The following SYT9 variants were observed in gnomAD, a reference collection of about 807,000 sequenced individuals.
SYT9 encodes synaptotagmin-9.
SYT9 carries 22 observed loss-of-function variants against 48.4 expected under a neutral mutation model. That is an observed-to-expected ratio of 0.45 (90% confidence interval 0.32 to 0.65). The LOEUF (loss-of-function observed/expected upper bound fraction) is 0.65, where lower values mean the gene tolerates loss of function less well. Ranked by LOEUF, SYT9 falls within the 30% of genes least tolerant of loss-of-function variation. The pLI is 0.03. For synonymous variants in SYT9, 265 were observed against 245.0 expected (o/e 1.08, Z -0.76); for missense variants, 577 against 622.0 (o/e 0.93, Z 0.77).
intron 3 of SYT9, among the ~76,000 whole-genome samples, chr11:7,336,702 A>C (rs548359920): frequency 6.6e-6 from 1 of 152,128 alleles, no homozygotes; most frequent in East Asian, 1.9e-4. Context: ...AGGTCTATGC[A>C]TCTGTTTTTG....
intron 3 of SYT9, among the ~76,000 whole-genome samples, chr11:7,342,052 C>T (rs552124252): frequency 3.6e-4 from 54 of 152,096 alleles, no homozygotes; most frequent in Non-Finnish European, 5.1e-4. Context: ...AAAACTGCCC[C>T]CATGATTCAA....
intron 3 of SYT9, among the ~76,000 whole-genome samples, chr11:7,316,484 A>G (rs1312984478): frequency 6.6e-6 from 1 of 152,146 alleles, no homozygotes; most frequent in Non-Finnish European, 1.5e-5. Context: ...TGGCTTATGT[A>G]TCTTCATTGC....
chr11:7,300,892 TG>T (rs1210436384), intron 1 of SYT9, among the ~76,000 whole-genome samples: 1 of 152,160 alleles, frequency 6.6e-6, no homozygotes, highest in Non-Finnish European at 1.5e-5. Flanking sequence ...CACCTCATGT[TG>T]GGCTCTTTGA....
Position 7,412,042 on chromosome 11 carries a change from T to C in SYT9, c.1045-4000T>C, listed in dbSNP as rs548492725. ...TTCAATGAATTCTTCAGTTCCGGAATTTATGTTTGGTTCTTTTAAAAAAAA... is the reference window on the plus strand; with the variant it reads ...TTCAATGAATTCTTCAGTTCCGGAACTTATGTTTGGTTCTTTTAAAAAAAA... On this transcript the variant is annotated intron_variant, in intron 3 of 6. Transcript: ENST00000318881. Among the ~76,000 whole-genome samples the C allele has an allele frequency of 5.3e-5, 8 of 152,320 alleles. No individual in the cohort carries two copies. The East Asian group carries it at 1.3e-3, about 26-fold the overall frequency.
chr11:7,361,493 A>G (rs1850136091), intron 3 of SYT9, among the ~76,000 whole-genome samples: 1 of 152,128 alleles, frequency 6.6e-6, no homozygotes, highest in African/African-American at 2.4e-5. Flanking sequence ...TAAAAAAATT[A>G]TTCTCTCCTG....
chr11:7,412,055 C>G (rs985974199), intron 3 of SYT9, among the ~76,000 whole-genome samples: 7 of 151,784 alleles, frequency 4.6e-5, no homozygotes, highest in Admixed American at 3.3e-4. Flanking sequence ...ATGTTTGGTT[C>G]TTTTAAAAAA....
chr11:7,464,122 A>C (rs1269859209), intron 6 of SYT9, among the ~76,000 whole-genome samples: 1 of 152,166 alleles, frequency 6.6e-6, no homozygotes, highest in Non-Finnish European at 1.5e-5. Flanking sequence ...TTAAATGAAG[A>C]GGTAAAATTA....
Position 7,450,941 on chromosome 11 carries a change from G to T in SYT9, c.1468-15851G>T, listed in dbSNP as rs755361314. On this transcript the variant is annotated intron_variant, in intron 6 of 6. Transcript: ENST00000318881. ...TCACACAGTAATGCTGGTTTTAAAA[G>T]ACTTTTCTTTCTCAGCTGTTATTAT... is the stretch of plus-strand genomic sequence containing the variant. Among the ~76,000 whole-genome samples, 24 of 152,322 alleles carry T rather than the reference G, an allele frequency of 1.6e-4. 1 individual carries two copies. The highest frequency in any genetic ancestry group is 2.6e-4 in the Non-Finnish European group (18 of 68,024).
chr11:7,242,250 A>G (rs2119717510), intron 1 of SYT9, among the ~76,000 whole-genome samples: 1 of 152,352 alleles, frequency 6.6e-6, no homozygotes, highest in African/African-American at 2.4e-5. Flanking sequence ...TGGTGAAGGC[A>G]TAAGGCCAGT....
chr11:7,278,139 C>G (rs1848431437), intron 1 of SYT9, among the ~76,000 whole-genome samples: 1 of 152,128 alleles, frequency 6.6e-6, no homozygotes, highest in South Asian at 2.1e-4. Context: ...TCTAATTGCC[C>G]TGGGTCGAGG....
At chr11:7,404,083 C>T (rs1303904417) in intron 3 of SYT9, among the ~76,000 whole-genome samples, 2 of 152,040 alleles carry the variant, frequency 1.3e-5, no homozygotes, top group Non-Finnish European at 2.9e-5. Context: ...ATTAATTTAG[C>T]CACTCCAGAT....
chr11:7,276,518 G>T (rs1848396508), intron 1 of SYT9, among the ~76,000 whole-genome samples: 2 of 152,174 alleles, frequency 1.3e-5, no homozygotes, highest in South Asian at 4.1e-4. Context: ...GAATAAGGTG[G>T]AATGAATCTG....
chr11:7,361,822 T>G (rs189375897), intron 3 of SYT9, among the ~76,000 whole-genome samples: 2 of 152,298 alleles, frequency 1.3e-5, no homozygotes, highest in East Asian at 3.9e-4. Context: ...AAATAAGAAA[T>G]TTAGTAGTAG....
chr11:7,398,332 A>AGTTTTT, intron 3 of SYT9, among the ~76,000 whole-genome samples: 1 of 152,048 alleles, frequency 6.6e-6, no homozygotes, highest in Middle Eastern at 3.4e-3. Context: ...TTTAACATTT[A>AGTTTTT]TATGAGTTTA....
At chr11:7,274,697 G>A (rs187298241) in intron 1 of SYT9, among the ~76,000 whole-genome samples, 1 of 152,210 alleles carries the variant, frequency 6.6e-6, no homozygotes, top group Admixed American at 6.5e-5. Flanking sequence ...TCACTATGCA[G>A]GTCTTCCTTT....
At chr11:7,435,122 A>G (rs975579858) in intron 6 of SYT9, 2 of 152,300 alleles carry the variant, frequency 1.3e-5, no homozygotes, top group Non-Finnish European at 2.9e-5. Context: ...GTTTGAGTCC[A>G]GGCAGAATCT....
intron 1 of SYT9, among the ~76,000 whole-genome samples, chr11:7,262,131 C>T (rs1848091270): frequency 1.3e-5 from 2 of 152,024 alleles, no homozygotes; most frequent in Admixed American, 6.6e-5. Flanking sequence ...TGGTCAGATT[C>T]TGGGTAGCTG....
intron 1 of SYT9, among the ~76,000 whole-genome samples, chr11:7,243,230 C>G (rs1203496862): frequency 6.6e-6 from 1 of 152,062 alleles, no homozygotes; most frequent in Non-Finnish European, 1.5e-5. Flanking sequence ...AGAAGGAAAG[C>G]TTAAATATGG....
chr11:7,365,315 C>T lies in SYT9; in HGVS notation c.1045-50727C>T, dbSNP rs140727821. Among the ~76,000 whole-genome samples the T allele has an allele frequency of 1.9e-3, 288 of 152,254 alleles. 2 individuals carry two copies. Among genetic ancestry groups the T allele is most frequent in the African/African-American group, 6.6e-3 (273 of 41,530 alleles). ...TGGAATAAAAGATGTATTCCCCTCC[C>T]AATTTATAGAGGAGAGCAATTTTTT... On this transcript the variant is annotated intron_variant, in intron 3 of 6. Transcript: ENST00000318881.
Sources: allele counts gnomAD v4.1 joint callset (sites outside exome capture counted in the v4.1 genomes callset), GRCh38; gene constraint gnomAD v4.1.1; transcripts MANE v1.5; gene names NCBI Gene and HGNC (gene_info 2026-07-23, HGNC 2026-07-21).